The following CACNA1C variants were observed in gnomAD, a reference collection of about 807,000 sequenced individuals.
CACNA1C encodes voltage-dependent L-type calcium channel subunit alpha-1C.
Under a neutral mutation model 229.0 loss-of-function variants are expected in CACNA1C, and 30 were observed. That is an observed-to-expected ratio of 0.13 (90% confidence interval 0.10 to 0.18). The LOEUF (loss-of-function observed/expected upper bound fraction) is 0.18, where lower values mean the gene tolerates loss of function less well. Among genes scored for constraint, CACNA1C ranks in the 10% least tolerant of loss-of-function variants. The probability of loss-of-function intolerance (pLI) is 1.00; values close to 1 mark genes in which losing one functional copy is unlikely to be tolerated. For synonymous variants in CACNA1C, 1,114 were observed against 1,132.5 expected (o/e 0.98, Z 0.33); for missense variants, 1,658 against 2,845.0 (o/e 0.58, Z 9.49).
chr12:2,064,184 C>A (rs547109407), intron 1 of CACNA1C, among the ~76,000 whole-genome samples: 6 of 152,282 alleles, frequency 3.9e-5, no homozygotes, highest in South Asian at 2.1e-4. Flanking sequence ...ACAAAAAAAA[C>A]CGGTGTCTCT....
chr12:2,310,129 A>G (rs2095339732), intron 3 of CACNA1C, among the ~76,000 whole-genome samples: 1 of 152,114 alleles, frequency 6.6e-6, no homozygotes, highest in African/African-American at 2.4e-5. Flanking sequence ...GCCCTCTGCG[A>G]TGATTAGCTC....
chr12:2,208,689 A>C (rs2097831738), intron 3 of CACNA1C, among the ~76,000 whole-genome samples: 1 of 152,222 alleles, frequency 6.6e-6, no homozygotes, highest in Non-Finnish European at 1.5e-5. Context: ...TTTACCATGC[A>C]CAGTAGCTGA....
chr12:2,056,619 A>T (rs2055032767), intron 1 of CACNA1C, among the ~76,000 whole-genome samples: 1 of 152,184 alleles, frequency 6.6e-6, no homozygotes. Flanking sequence ...AATAATAATG[A>T]TCACAGTTAA....
At chr12:1,980,820 G>A in intron 1 of CACNA1C, among the ~76,000 whole-genome samples, 1 of 151,818 alleles carries the variant, frequency 6.6e-6, no homozygotes, top group Non-Finnish European at 1.5e-5. Context: ...AGGGCCAGGA[G>A]GAAACAGAGA....
intron 3 of CACNA1C, among the ~76,000 whole-genome samples, chr12:2,198,542 A>G (rs1598835722): frequency 1.3e-5 from 2 of 152,228 alleles, no homozygotes; most frequent in African/African-American, 4.8e-5. Flanking sequence ...ACATCACCAA[A>G]TTGTGAGGAC....
At chr12:2,055,859 G>A (rs746562799) in intron 1 of CACNA1C, among the ~76,000 whole-genome samples, 4 of 152,152 alleles carry the variant, frequency 2.6e-5, no homozygotes, top group Non-Finnish European at 4.4e-5. Context: ...TGGCATTGCC[G>A]AGGTTGTTGG....
chr12:2,371,895 G>A (rs2097878627), intron 3 of CACNA1C, among the ~76,000 whole-genome samples: 1 of 152,062 alleles, frequency 6.6e-6, no homozygotes, highest in Admixed American at 6.5e-5. Flanking sequence ...AGCCTCTAAG[G>A]GGAGCGGATG....
chr12:2,629,890 GA>G (rs767403471), intron 29 of CACNA1C, among the ~76,000 whole-genome samples: 70 of 152,222 alleles, frequency 4.6e-4, no homozygotes, highest in African/African-American at 7.2e-5. Context: ...TCAGTGAGTG[GA>G]GGTGCTCTGG....
At chr12:2,661,270 T>TACACACACACAC (rs571791344) in intron 34 of CACNA1C, among the ~76,000 whole-genome samples, 6 of 131,260 alleles carry the variant, frequency 4.6e-5, no homozygotes, top group South Asian at 5.1e-4. Flanking sequence ...TCTAAACACA[T>TACACACACACAC]ACACACACAT....
At chr12:2,211,468 C>T (rs749455596) in intron 3 of CACNA1C, among the ~76,000 whole-genome samples, 7 of 152,254 alleles carry the variant, frequency 4.6e-5, no homozygotes, top group Non-Finnish European at 1.0e-4. Context: ...ATAGCTGTTG[C>T]TGCTGTAGTT....
In CACNA1C at chr12:2,605,804, T is replaced by C; in HGVS notation, c.3156+18T>C. The C allele has an allele frequency of 6.5e-7, 1 of 1,532,328 alleles. No homozygotes were observed. The highest frequency in any genetic ancestry group is 1.7e-5 in the Admixed American group (1 of 59,876). The allele number at this position is 1,532,328 out of a possible 1,614,324, so 94.9% of individuals were successfully genotyped here. On this transcript the variant is annotated intron_variant, in intron 24 of 46. Coordinates refer to ENST00000399655, the MANE Select transcript of CACNA1C (RefSeq NM_000719.7). The surrounding 1 kb of genome is among the most constrained non-coding windows in gnomAD (Gnocchi z 6.2). ...TCTTCAAGGTAAAGTCTGGGCTCCG[T>C]TGTGGTCCTCCTACCTCCCCTCCCA...
intron 3 of CACNA1C, among the ~76,000 whole-genome samples, chr12:2,281,160 G>A (rs1323676851): frequency 1.5e-5 from 2 of 131,200 alleles, no homozygotes; most frequent in Non-Finnish European, 3.0e-5. Flanking sequence ...GTCTTCAGTT[G>A]TTACTAAACC....
At chr12:2,004,704 T>C (rs1343591993) in intron 1 of CACNA1C, 3 of 480,004 alleles carry the variant, frequency 6.2e-6, no homozygotes, top group African/African-American at 6.0e-5. Flanking sequence ...GAGCTGTTTT[T>C]CTACGCGCTC....
intron 7 of CACNA1C, among the ~76,000 whole-genome samples, chr12:2,498,004 A>ACACACACACACAC (rs1598127973): frequency 2.6e-5 from 3 of 114,318 alleles, no homozygotes; most frequent in African/African-American, 1.0e-4. Context: ...CACACACACA[A>ACACACACACACAC]CAGCTATTAA....
intron 43 of CACNA1C, among the ~76,000 whole-genome samples, chr12:2,683,996 G>A (rs2097311114): frequency 6.6e-6 from 1 of 152,246 alleles, no homozygotes; most frequent in African/African-American, 2.4e-5. Flanking sequence ...AAGGACTTCA[G>A]AGTGAGGAAG....
intron 3 of CACNA1C, among the ~76,000 whole-genome samples, chr12:2,426,140 C>T (rs1275460631): frequency 1.3e-5 from 2 of 152,060 alleles, no homozygotes; most frequent in African/African-American, 4.8e-5. Context: ...TTTCATATAC[C>T]CACTGAATTT....
intron 3 of CACNA1C, among the ~76,000 whole-genome samples, chr12:2,446,653 G>A (rs2099291023): frequency 6.6e-6 from 1 of 151,262 alleles, no homozygotes; most frequent in Non-Finnish European, 1.5e-5. Flanking sequence ...TGAATGGATG[G>A]GTGATGGGTA....
At chr12:2,097,299 C>A (rs540318935) in intron 1 of CACNA1C, among the ~76,000 whole-genome samples, 2 of 152,084 alleles carry the variant, frequency 1.3e-5, no homozygotes, top group Admixed American at 6.6e-5. Context: ...GCGCCTGCCA[C>A]CACGCCCAGC....
At chr12:2,277,362 GACACACACACACAC>G (rs59258094) in intron 3 of CACNA1C, among the ~76,000 whole-genome samples, 3,426 of 71,646 alleles carry the variant, frequency 0.048, 57 homozygotes, top group African/African-American at 0.064. Flanking sequence ...CAGACAGACA[GACACACACACACAC>G]ACACACACAC....
Sources: gnomAD v4.1 joint callset for allele counts (sites outside exome capture counted in the v4.1 genomes callset) on GRCh38, gnomAD v4.1.1 for gene constraint, Gnocchi (gnomAD v3.1) non-coding constraint, MANE v1.5 for transcripts, NCBI Gene and HGNC (gene_info 2026-07-23, HGNC 2026-07-21) for gene names.